DCHS2: variants seen among roughly 807,000 people sequenced by gnomAD.
DCHS2 encodes the protein protocadherin-23.
In DCHS2, 142 loss-of-function variants were observed where a neutral mutation model predicts 182.4. The observed-to-expected ratio is 0.78, with a 90% CI of 0.68 to 0.89. The LOEUF (loss-of-function observed/expected upper bound fraction) is 0.89. DCHS2 is among the 40% of genes least tolerant of loss of function. The probability of loss-of-function intolerance (pLI) is 0.00; values close to 1 mark genes in which losing one functional copy is unlikely to be tolerated. For synonymous variants in DCHS2, 1,740 were observed against 1,663.3 expected (o/e 1.05, Z -1.12); for missense variants, 4,319 against 4,198.6 (o/e 1.03, Z -0.79).
chr4:154,427,158 CAATT>C (rs1486555631), intron 1 of DCHS2, among the ~76,000 whole-genome samples: 28 of 152,068 alleles, frequency 1.8e-4, no homozygotes, highest in African/African-American at 6.5e-4. Context: ...TATTATGTGT[CAATT>C]AAAGAAAAAT....
intron 10 of DCHS2, among the ~76,000 whole-genome samples, chr4:154,306,397 T>C (rs1735442494): frequency 6.6e-6 from 1 of 152,126 alleles, no homozygotes; most frequent in African/African-American, 2.4e-5. Flanking sequence ...GTCATAGTGA[T>C]TATTTCAGTA....
intron 3 of DCHS2, among the ~76,000 whole-genome samples, chr4:154,339,494 G>A (rs1471640166): frequency 6.6e-6 from 1 of 150,500 alleles, no homozygotes; most frequent in African/African-American, 2.5e-5. Context: ...CTGTTGCCCA[G>A]GCTGGAGTGC....
chr4:154,407,178 C>T (rs1732435572), intron 1 of DCHS2, among the ~76,000 whole-genome samples: 1 of 152,184 alleles, frequency 6.6e-6, no homozygotes, highest in African/African-American at 2.4e-5. Context: ...GCATCTTTCG[C>T]TTGGGATTGA....
intron 13 of DCHS2, 71 bp downstream of exon 13, chr4:154,297,777 TGTA>T (rs1734996659): frequency 2.6e-6 from 4 of 1,527,092 alleles, no homozygotes; most frequent in Non-Finnish European, 3.5e-6. Flanking sequence ...ATGGCACTCT[TGTA>T]GTATAATCCG....
intron 7 of DCHS2, among the ~76,000 whole-genome samples, chr4:154,325,029 T>C (rs955187198): frequency 3.3e-5 from 5 of 152,202 alleles, no homozygotes; most frequent in African/African-American, 9.7e-5. Flanking sequence ...TCAATTATCA[T>C]TTAAAAGCTA....
chr4:154,343,703 G>A, intron 3 of DCHS2: 1 of 1,327,088 alleles, frequency 7.5e-7, no homozygotes, highest in Non-Finnish European at 9.7e-7. Context: ...TTAAGGGAAT[G>A]ATGTGGCTGC....
chr4:154,490,624 C>T lies in DCHS2; in HGVS notation c.732G>A (p.Glu244=). The T allele has an allele frequency of 1.3e-6, 2 of 1,550,258 alleles. No homozygotes were observed. The highest frequency in any genetic ancestry group is 1.7e-6 in the Non-Finnish European group (2 of 1,146,846). ...PLLPGSSSPL[E]PLDLVLLRRL... ...GCCGCAGCAGCACCAGATCTAGAGGCTCCAGGGGTGACGAGGAGCCTGGCA... is the reference window on the plus strand; with the variant it reads ...GCCGCAGCAGCACCAGATCTAGAGGTTCCAGGGGTGACGAGGAGCCTGGCA... Residue 244 remains glutamate (E), a synonymous_variant, in exon 1 of 20, where the codon GAG becomes GAA. Transcript: ENST00000357232.
intron 13 of DCHS2, among the ~76,000 whole-genome samples, chr4:154,297,355 T>C (rs1225909520): frequency 4.6e-5 from 7 of 152,232 alleles, no homozygotes; most frequent in Admixed American, 6.5e-5. Flanking sequence ...TGTCTTGACA[T>C]GTACACCTAC....
At chr4:154,451,714 C>T (rs749375552) in intron 1 of DCHS2, among the ~76,000 whole-genome samples, 2 of 151,922 alleles carry the variant, frequency 1.3e-5, no homozygotes, top group Non-Finnish European at 2.9e-5. Flanking sequence ...GAGGGCAGAA[C>T]TTCAAATACT....
At chr4:154,269,620 C>A (rs930562877) in intron 14 of DCHS2, among the ~76,000 whole-genome samples, 3 of 152,068 alleles carry the variant, frequency 2.0e-5, no homozygotes, top group Non-Finnish European at 4.4e-5. Flanking sequence ...CCAATTTTCC[C>A]AAATACATGG....
rs1728748975 is a variant in DCHS2 at position 154,490,148 on chromosome 4, A to C, written c.1208T>G (p.Val403Gly). The C allele has an allele frequency of 6.5e-7, 1 of 1,548,732 alleles. No individual in the cohort carries two copies. Residue 403 changes from valine to glycine, a missense_variant, in exon 1 of 20, where the codon GTG (valine) becomes GGG (glycine). Coordinates refer to ENST00000357232, the MANE Select transcript of DCHS2 (RefSeq NM_001358235.2). ...TGGCCGGTTGTCATTCACGTCCAGC[A>C]CGGCGATGGACACGCGCACCGTGGC... ...EVATVRVSIAVLDVNDNRPAI... is the reference protein window; with the variant it reads ...EVATVRVSIAGLDVNDNRPAI...
intron 1 of DCHS2, among the ~76,000 whole-genome samples, chr4:154,455,113 C>G (rs771453272): frequency 6.6e-6 from 1 of 152,228 alleles, no homozygotes; most frequent in Non-Finnish European, 1.5e-5. Context: ...AGTAAACACT[C>G]CTTCACAAGT....
intron 1 of DCHS2, among the ~76,000 whole-genome samples, chr4:154,422,126 T>C (rs1334534090): frequency 1.3e-5 from 2 of 152,218 alleles, no homozygotes; most frequent in African/African-American, 4.8e-5. Context: ...CACCCTCTTC[T>C]AGTCAACCCT....
intron 1 of DCHS2, among the ~76,000 whole-genome samples, chr4:154,413,129 C>A (rs1004601164): frequency 1.3e-5 from 2 of 152,144 alleles, no homozygotes; most frequent in Non-Finnish European, 1.5e-5. Context: ...ACCACTGGAG[C>A]CAATTTATTT....
intron 3 of DCHS2, among the ~76,000 whole-genome samples, chr4:154,350,278 A>G (rs1729546013): frequency 1.3e-5 from 2 of 152,234 alleles, no homozygotes; most frequent in Non-Finnish European, 2.9e-5. Flanking sequence ...TTAACATGAA[A>G]GCTCTCATCA....
chr4:154,282,316 C>A (rs552396580), intron 13 of DCHS2, among the ~76,000 whole-genome samples: 2 of 152,090 alleles, frequency 1.3e-5, no homozygotes, highest in South Asian at 2.1e-4. Context: ...ATATAAATAA[C>A]TCTTGCAAAT....
chr4:154,268,230 T>G (rs28427231), intron 14 of DCHS2, among the ~76,000 whole-genome samples: 1 of 147,912 alleles, frequency 6.8e-6, no homozygotes, highest in African/African-American at 2.5e-5. Context: ...CCTTTCACTT[T>G]CCCCCCCCCA....
chr4:154,431,245 A>C (rs1733546627), intron 1 of DCHS2, among the ~76,000 whole-genome samples: 1 of 152,178 alleles, frequency 6.6e-6, no homozygotes, highest in Non-Finnish European at 1.5e-5. Flanking sequence ...AAATTTTCTA[A>C]GTTTGGACAA....
At chr4:154,246,219 T>C (rs928905839) in intron 16 of DCHS2, among the ~76,000 whole-genome samples, 2 of 151,846 alleles carry the variant, frequency 1.3e-5, no homozygotes, top group Non-Finnish European at 2.9e-5. Flanking sequence ...GAAAGATTAT[T>C]TATGTTATTT....
Sources: allele counts gnomAD v4.1 joint callset (sites outside exome capture counted in the v4.1 genomes callset), GRCh38; gene constraint gnomAD v4.1.1; transcripts MANE v1.5; gene names NCBI Gene and HGNC (gene_info 2026-07-23, HGNC 2026-07-21).